HUNK: variants seen among roughly 807,000 people sequenced by gnomAD.
HUNK encodes hormonally up-regulated Neu-associated kinase.
In HUNK, 21 loss-of-function variants were observed where a neutral mutation model predicts 61.0. The ratio of observed to expected loss-of-function variants is 0.34; its 90% CI spans 0.24 to 0.50. The LOEUF is 0.50. Among genes scored for constraint, HUNK ranks in the 20% least tolerant of loss-of-function variants. HUNK has a pLI of 0.98. For synonymous variants in HUNK, 371 were observed against 386.1 expected (o/e 0.96, Z 0.46); for missense variants, 772 against 945.7 (o/e 0.82, Z 2.41).
chr21:31,983,640 C>G, intron 8 of HUNK, 31 bp downstream of exon 8: 2 of 1,480,230 alleles, frequency 1.4e-6, no homozygotes, highest in Non-Finnish European at 1.9e-6. Context: ...ACCTCAGGGT[C>G]TCTTAGGAAG....
chr21:31,967,360 A>G (rs1301557915), intron 5 of HUNK, among the ~76,000 whole-genome samples: 1 of 152,124 alleles, frequency 6.6e-6, no homozygotes, highest in African/African-American at 2.4e-5. Flanking sequence ...CCAAAATATA[A>G]AAAATAATGA....
chr21:31,935,196 G>A (rs1045430587), intron 2 of HUNK, among the ~76,000 whole-genome samples: 4 of 152,196 alleles, frequency 2.6e-5, no homozygotes, highest in Non-Finnish European at 5.9e-5. Context: ...CATTCTTAGT[G>A]TGGATTGCTT....
rs753294374 is a variant in HUNK, at chr21:31,998,725, C to T, written c.1686C>T (p.Phe562=). Residue 562 remains phenylalanine (F), a synonymous_variant, in exon 11 of 11, where the codon TTC becomes TTT. Coordinates refer to ENST00000270112, the MANE Select transcript of HUNK (RefSeq NM_014586.2). ...TGATGCTGGACATGGTGCGCTCCTTCGAGTCTGTGGATCGCGACGACCACG... is the reference window on the plus strand; with the variant it reads ...TGATGCTGGACATGGTGCGCTCCTTTGAGTCTGTGGATCGCGACGACCACG... ...DPLMLDMVRS[F]ESVDRDDHVE... The T allele has an allele frequency of 1.6e-5, 26 of 1,614,010 alleles. No homozygotes were observed. Among genetic ancestry groups the T allele is most frequent in the African/African-American group, 4.0e-5 (3 of 74,918 alleles).
At position 31,873,501 on chromosome 21, in the gene HUNK, C is replaced by T. The variant is rs1177725822; in HGVS notation, c.-174C>T. ...GGCAGCCGCTATTGTCTACGCGCCT[C>T]GCTGGGCGGCGCGGGGGGCGTGATC... On this transcript the variant is annotated 5_prime_UTR_variant, in exon 1 of 11. Transcript: ENST00000270112. This position sits in a 1 kb window ranked among gnomAD's most constrained non-coding sequence, Gnocchi z 6.1. 2 of 371,366 alleles carry T rather than the reference C, an allele frequency of 5.4e-6. No homozygotes were observed. Among genetic ancestry groups the T allele is most frequent in the Non-Finnish European group, 7.4e-6 (2 of 268,958 alleles). The allele number at this position is 371,366 out of a possible 1,614,324, so 23.0% of individuals were successfully genotyped here.
rs367852433 is a variant in HUNK at position 31,924,286 on chromosome 21, T to TGTGTGTGTGTG, written c.262-182_262-181insGTGTGTGTGTG. 0.011 allele frequency among the ~76,000 whole-genome samples: 1,547 copies of TGTGTGTGTGTG among 138,356 alleles called. 29 individuals carry two copies. The highest frequency in any genetic ancestry group is 0.039 in the African/African-American group (1,470 of 37,228). The allele number at this position is 138,356 out of a possible 152,430, so 90.8% of individuals were successfully genotyped here. Reference sequence around the variant, plus strand: ...CCTATATGTGTGTGTGTGTGTGTGTTTGTGTGGTATATGCATAAATATAAA... The same window carrying TGTGTGTGTGTG: ...CCTATATGTGTGTGTGTGTGTGTGTTGTGTGTGTGTGTGTGTGGTATATGCATAAATATAAA... On this transcript the variant is annotated intron_variant, in intron 1 of 10. Coordinates refer to ENST00000270112, the MANE Select transcript of HUNK (RefSeq NM_014586.2). The surrounding 1 kb of genome is among the most constrained non-coding windows in gnomAD (Gnocchi z 5.1).
intron 3 of HUNK, among the ~76,000 whole-genome samples, chr21:31,944,457 G>C (rs967916222): frequency 5.3e-5 from 8 of 152,132 alleles, no homozygotes; most frequent in African/African-American, 1.9e-4. Context: ...TGAGAACAGG[G>C]TTTCTCAGGT....
chr21:31,918,703 G>A (rs1038262278), intron 1 of HUNK, among the ~76,000 whole-genome samples: 14 of 152,094 alleles, frequency 9.2e-5, no homozygotes, highest in African/African-American at 3.1e-4. Flanking sequence ...GATCCCCTCC[G>A]TCTTTTAAAG....
intron 2 of HUNK, among the ~76,000 whole-genome samples, chr21:31,937,009 AT>A (rs749890083): frequency 6.6e-6 from 1 of 152,232 alleles, no homozygotes; most frequent in Non-Finnish European, 1.5e-5. Context: ...CTTCCTTTAG[AT>A]TTAGAGAGTA....
At chr21:31,985,904 A>G (rs1318500389) in intron 8 of HUNK, among the ~76,000 whole-genome samples, 1 of 152,202 alleles carries the variant, frequency 6.6e-6, no homozygotes, top group African/African-American at 2.4e-5. Context: ...AAGGCCAGGC[A>G]GGAATGGTGG....
intron 2 of HUNK, 91 bp from the exon 3 acceptor site, chr21:31,940,074 C>A: frequency 9.7e-7 from 1 of 1,029,716 alleles, no homozygotes; most frequent in Non-Finnish European, 1.4e-6. Context: ...AGAAGTGGCT[C>A]TAAAAACAGT....
Position 31,924,746 on chromosome 21 carries a change from C to A in HUNK, c.540C>A (p.Ala180=). 5 of 1,607,956 alleles carry A rather than the reference C, an allele frequency of 3.1e-6. No individual in the cohort carries two copies. Among genetic ancestry groups the A allele is most frequent in the Non-Finnish European group, 4.2e-6 (5 of 1,177,226 alleles). Residue 180 remains alanine, a synonymous_variant, in exon 2 of 11, where the codon GCC becomes GCA. Transcript: ENST00000270112. This position sits in a 1 kb window ranked among gnomAD's most constrained non-coding sequence, Gnocchi z 5.1. ...LISAVEHLHR[A]GVVHRDLKIE... is the part of the protein sequence containing the mutation. ...CTGCCGTAGAGCACCTGCACCGGGC[C>A]GGGGTGGTCCACAGGTAAGGGCCAG...
intron 1 of HUNK, among the ~76,000 whole-genome samples, chr21:31,909,799 A>G (rs1330940126): frequency 1.3e-5 from 2 of 152,260 alleles, no homozygotes; most frequent in Non-Finnish European, 2.9e-5. Context: ...TTGTCCACAC[A>G]GGAGCACGTT....
intron 4 of HUNK, among the ~76,000 whole-genome samples, chr21:31,952,185 A>G (rs1192999256): frequency 1.3e-5 from 2 of 148,406 alleles, no homozygotes; most frequent in East Asian, 3.9e-4. Flanking sequence ...AAATGGATGA[A>G]TTGGTTCCTA....
At chr21:31,888,379 C>T (rs1369868005) in intron 1 of HUNK, among the ~76,000 whole-genome samples, 1 of 152,174 alleles carries the variant, frequency 6.6e-6, no homozygotes, top group Non-Finnish European at 1.5e-5. Flanking sequence ...GCTTTTCTCA[C>T]ATATGTAGTA....
chr21:31,998,293 C>A (rs559067111), intron 10 of HUNK, among the ~76,000 whole-genome samples: 1 of 152,310 alleles, frequency 6.6e-6, no homozygotes, highest in East Asian at 1.9e-4. Flanking sequence ...ATCCAGGAGA[C>A]GTCCTGTCGC....
chr21:31,939,152 C>T (rs891906566), intron 2 of HUNK, among the ~76,000 whole-genome samples: 3 of 152,170 alleles, frequency 2.0e-5, no homozygotes, highest in Non-Finnish European at 2.9e-5. Context: ...TGCATGGCAT[C>T]ACCCATTATC....
At position 31,924,053 on chromosome 21, in the gene HUNK, C is replaced by T. The variant is rs2052642842; in HGVS notation, c.262-415C>T. ...TCTGAAGTGGCTGGGGGTCCTCAGA[C>T]CTGGAGGGAGATGATGGTGAGTCCT... On this transcript the variant is annotated intron_variant, in intron 1 of 10. Coordinates refer to ENST00000270112, the MANE Select transcript of HUNK (RefSeq NM_014586.2). The surrounding 1 kb of genome is among the most constrained non-coding windows in gnomAD (Gnocchi z 5.1). 6.6e-6 allele frequency among the ~76,000 whole-genome samples: 1 copy of T among 152,042 alleles called. No homozygotes were observed. Among genetic ancestry groups the T allele is most frequent in the African/African-American group, 2.4e-5 (1 of 41,394 alleles).
At position 31,924,219 on chromosome 21, in the gene HUNK, C is replaced by A. The variant is rs1490790328; in HGVS notation, c.262-249C>A. 6.6e-6 allele frequency among the ~76,000 whole-genome samples: 1 copy of A among 151,992 alleles called. No individual in the cohort carries two copies. The highest frequency in any genetic ancestry group is 1.5e-5 in the Non-Finnish European group (1 of 68,018). On this transcript the variant is annotated intron_variant, in intron 1 of 10. Coordinates refer to ENST00000270112, the MANE Select transcript of HUNK (RefSeq NM_014586.2). The surrounding 1 kb of genome is among the most constrained non-coding windows in gnomAD (Gnocchi z 5.1). Reference sequence around the variant, plus strand: ...GGTTTTCTTAGGTAAATTCCATTGTCTTCCTTAATAATTGGACCTTTTGAT... The same window carrying A: ...GGTTTTCTTAGGTAAATTCCATTGTATTCCTTAATAATTGGACCTTTTGAT...
At chr21:31,947,851 G>T (rs1033909539) in intron 4 of HUNK, among the ~76,000 whole-genome samples, 1 of 152,228 alleles carries the variant, frequency 6.6e-6, no homozygotes, top group Non-Finnish European at 1.5e-5. Flanking sequence ...TTAAGATATA[G>T]ACGAGAAAGA....
Sources: allele counts gnomAD v4.1 joint callset (sites outside exome capture counted in the v4.1 genomes callset), GRCh38; gene constraint gnomAD v4.1.1; non-coding constraint Gnocchi (gnomAD v3.1); transcripts MANE v1.5; gene names NCBI Gene and HGNC (gene_info 2026-07-23, HGNC 2026-07-21).